Variants in TPO observed in about 807,000 individuals in gnomAD.
TPO encodes thyroid microsomal antigen.
TPO carries 78 observed loss-of-function variants against 96.9 expected under a neutral mutation model. The ratio of observed to expected loss-of-function variants is 0.81; its 90% CI spans 0.67 to 0.97. The LOEUF (loss-of-function observed/expected upper bound fraction) is 0.97, where lower values mean the gene tolerates loss of function less well. Ranked by LOEUF, TPO falls within the 50% of genes least tolerant of loss-of-function variation. The pLI is 0.00. For missense variants in TPO, 1,252 were observed against 1,274.8 expected (o/e 0.98, Z 0.27); for synonymous variants, 547 against 538.0 (o/e 1.02, Z -0.23).
intron 3 of TPO, among the ~76,000 whole-genome samples, chr2:1,430,883 A>T (rs193229587): frequency 9.4e-4 from 143 of 152,338 alleles, no homozygotes; most frequent in African/African-American, 3.1e-3. Context: ...TCTTGGAAAC[A>T]TATAACTGCT....
chr2:1,462,309 C>A (rs538503541), intron 7 of TPO, among the ~76,000 whole-genome samples: 1 of 152,200 alleles, frequency 6.6e-6, no homozygotes, highest in Admixed American at 6.5e-5. Flanking sequence ...CAGGGCTCTG[C>A]GCTAAGGTCC....
intron 1 of TPO, among the ~76,000 whole-genome samples, chr2:1,407,543 CA>C (rs1662265313): frequency 6.6e-6 from 1 of 152,118 alleles, no homozygotes; most frequent in African/African-American, 2.4e-5. Context: ...AGAAGTCTTC[CA>C]AACTACCCCC....
chr2:1,449,272 A>G (rs1210481028), intron 5 of TPO, among the ~76,000 whole-genome samples: 1 of 152,352 alleles, frequency 6.6e-6, no homozygotes, highest in East Asian at 1.9e-4. Flanking sequence ...TCAATGTTGC[A>G]TCTCCCATCC....
At chr2:1,524,232 C>G (rs1014365715) in intron 15 of TPO, among the ~76,000 whole-genome samples, 2 of 147,638 alleles carry the variant, frequency 1.4e-5, no homozygotes, top group South Asian at 2.2e-4. Flanking sequence ...TGTGTGCAAC[C>G]TCCTCAAATC....
intron 1 of TPO, among the ~76,000 whole-genome samples, chr2:1,377,821 G>A (rs745387683): frequency 2.6e-5 from 4 of 152,112 alleles, no homozygotes; most frequent in East Asian, 1.9e-4. Flanking sequence ...CCTCATTCTC[G>A]ACTTCACCCC....
chr2:1,502,319 CTAGA>C (rs1002826507), intron 13 of TPO, among the ~76,000 whole-genome samples: 1 of 152,148 alleles, frequency 6.6e-6, no homozygotes, highest in Non-Finnish European at 1.5e-5. Context: ...ATAGCTGCTG[CTAGA>C]TAGAGACAAT....
At chr2:1,495,877 C>A in intron 11 of TPO, 112 bp from the exon 12 acceptor site, 2 of 1,243,978 alleles carry the variant, frequency 1.6e-6, no homozygotes, top group Non-Finnish European at 2.3e-6. Flanking sequence ...GGGGTCTGGG[C>A]AGACGCCGCA....
At chr2:1,529,322 GTCCCCAAATTCCCCCACTGTGTGCAACC>G (rs1677442707) in intron 15 of TPO, among the ~76,000 whole-genome samples, 1 of 5,008 alleles carries the variant, frequency 2.0e-4, no homozygotes, top group Non-Finnish European at 3.5e-4. Flanking sequence ...TGTGTGCAAC[GTCCCCAAATTCCCCCACTGTGTGCAACC>G]TCCCCAAATC....
At chr2:1,424,445 G>A (rs183019624) in intron 3 of TPO, among the ~76,000 whole-genome samples, 4 of 152,296 alleles carry the variant, frequency 2.6e-5, no homozygotes, top group Admixed American at 2.6e-4. Context: ...AGCTTTTCAG[G>A]CTAACTTTGG....
At chr2:1,517,545 G>A (rs150922295) in intron 15 of TPO, among the ~76,000 whole-genome samples, 12 of 151,768 alleles carry the variant, frequency 7.9e-5, no homozygotes, top group Admixed American at 2.0e-4. Flanking sequence ...CTGAGGAACC[G>A]GCTCTGTTCC....
chr2:1,527,768 C>T (rs116201561), intron 15 of TPO, among the ~76,000 whole-genome samples: 1,982 of 148,028 alleles, frequency 0.013, 83 homozygotes, highest in African/African-American at 0.047. Context: ...CCCCAAATCC[C>T]CCCCACTCTG....
intron 7 of TPO, among the ~76,000 whole-genome samples, chr2:1,469,106 ACTT>A (rs1466236359): frequency 6.6e-6 from 1 of 151,722 alleles, no homozygotes; most frequent in African/African-American, 2.4e-5. Flanking sequence ...TTCTCCCTTC[ACTT>A]CTTGTATCAT....
chr2:1,529,770 TCTAATCCCCCCACTGTGAGCAACCTCCC>T (rs1677611485), intron 15 of TPO, among the ~76,000 whole-genome samples: 1 of 37,144 alleles, frequency 2.7e-5, no homozygotes, highest in East Asian at 1.1e-3. Context: ...TGCAACCTCC[TCTAATCCCCCCACTGTGAGCAACCTCCC>T]CAAATCCCTC....
chr2:1,402,984 T>C (rs1245995086), intron 1 of TPO, among the ~76,000 whole-genome samples: 1 of 152,258 alleles, frequency 6.6e-6, no homozygotes, highest in Non-Finnish European at 1.5e-5. Context: ...GCCACCATTA[T>C]TGCATCTTTA....
intron 10 of TPO, among the ~76,000 whole-genome samples, chr2:1,489,033 C>T (rs530681853): frequency 3.9e-4 from 60 of 152,164 alleles, no homozygotes; most frequent in Middle Eastern, 3.4e-3. Flanking sequence ...TTCACATGCC[C>T]GGCACATACC....
intron 2 of TPO, among the ~76,000 whole-genome samples, chr2:1,422,688 T>G (rs1663888456): frequency 1.3e-5 from 2 of 152,220 alleles, no homozygotes; most frequent in Admixed American, 6.5e-5. Context: ...TATCTTTTAT[T>G]AAATACACAA....
intron 8 of TPO, among the ~76,000 whole-genome samples, chr2:1,483,990 T>A (rs776938197): frequency 1.3e-5 from 2 of 152,362 alleles, no homozygotes; most frequent in Non-Finnish European, 2.9e-5. Context: ...TTCATTTGGA[T>A]GCAGTTTATT....
rs144198699 is a variant in TPO, at chr2:1,467,275, T to C, written c.820-9811T>C. Among the ~76,000 whole-genome samples the C allele has an allele frequency of 5.0e-3, 755 of 152,148 alleles. 12 individuals carry two copies. Among genetic ancestry groups the C allele is most frequent in the African/African-American group, 0.018 (731 of 41,518 alleles). On this transcript the variant is annotated intron_variant, in intron 7 of 16. Transcript: ENST00000329066. ...TCCACCACCATGCCCAGCTAATCTTTTGTATTTTTAGTAGAGATTGGGTTT... is the reference window on the plus strand; with the variant it reads ...TCCACCACCATGCCCAGCTAATCTTCTGTATTTTTAGTAGAGATTGGGTTT...
At chr2:1,433,837 C>A (rs1209553924) in intron 4 of TPO, among the ~76,000 whole-genome samples, 1 of 152,176 alleles carries the variant, frequency 6.6e-6, no homozygotes, top group Non-Finnish European at 1.5e-5. Flanking sequence ...CTATCCAAAT[C>A]AAATTTGAGA....
Sources: allele counts gnomAD v4.1 joint callset (sites outside exome capture counted in the v4.1 genomes callset), GRCh38; gene constraint gnomAD v4.1.1; transcripts MANE v1.5; gene names NCBI Gene and HGNC (gene_info 2026-07-23, HGNC 2026-07-21).